Variants in GPHN observed in about 807,000 individuals in gnomAD.
GPHN encodes gephyrin.
In GPHN, 17 loss-of-function variants were observed where a neutral mutation model predicts 95.5. That is an observed-to-expected ratio of 0.18 (90% CI 0.12 to 0.27). GPHN has a LOEUF of 0.27. GPHN is among the 10% of genes least tolerant of loss of function. GPHN has a pLI of 1.00. For synonymous variants in GPHN, 320 were observed against 322.5 expected, an observed-to-expected ratio of 0.99 and a Z score of 0.08; for missense variants, 660 against 978.1, an observed-to-expected ratio of 0.67 and a Z score of 4.34.
chr14:66,545,965 C>A (rs563706294), intron 1 of GPHN, among the ~76,000 whole-genome samples: 176 of 151,494 alleles, frequency 1.2e-3, no homozygotes, highest in African/African-American at 3.9e-3. Flanking sequence ...ACGCTCCTCA[C>A]TTCTCAGACG....
chr14:66,581,898 ATG>A (rs1200247295), intron 1 of GPHN, among the ~76,000 whole-genome samples: 1 of 152,052 alleles, frequency 6.6e-6, no homozygotes, highest in African/African-American at 2.4e-5. Flanking sequence ...TATAAAGTAA[ATG>A]TTAATAAATC....
intron 18 of GPHN, among the ~76,000 whole-genome samples, chr14:67,153,405 G>A (rs1440660803): frequency 6.6e-6 from 1 of 152,224 alleles, no homozygotes; most frequent in South Asian, 2.1e-4. Context: ...CTTCCAGGCT[G>A]CAGATAGCTG....
the GPHN span, among the ~76,000 whole-genome samples, chr14:67,517,150 G>A: frequency 2.0e-5 from 3 of 152,192 alleles, no homozygotes; most frequent in Non-Finnish European, 4.4e-5. Flanking sequence ...TCAGGGACAC[G>A]CTGGCAAGAA....
At chr14:66,837,614 A>AAAATAAAT (rs202145300) in intron 4 of GPHN, among the ~76,000 whole-genome samples, 44 of 144,504 alleles carry the variant, frequency 3.0e-4, no homozygotes, top group Non-Finnish European at 3.6e-4. Context: ...TAAATAAATA[A>AAAATAAAT]AAATAAATAA....
In GPHN at chr14:66,883,514, C is replaced by T. The variant is rs150497822; in HGVS notation, c.389+3481C>T. Among the ~76,000 whole-genome samples, 87 of 152,044 alleles carry T rather than the reference C, an allele frequency of 5.7e-4. 1 individual carries two copies. In the East Asian group the frequency reaches 0.015, roughly 27 times the overall value. On this transcript the variant is annotated intron_variant, in intron 5 of 22. Transcript: ENST00000478722. ...ATCTGGCTTACCTTGGGGTTGACATCGGTTGATTTCTTTTCCCATGAGAAC... is the reference window on the plus strand; with the variant it reads ...ATCTGGCTTACCTTGGGGTTGACATTGGTTGATTTCTTTTCCCATGAGAAC...
chr14:66,537,929 G>A (rs1305193487), intron 1 of GPHN, among the ~76,000 whole-genome samples: 2 of 152,142 alleles, frequency 1.3e-5, no homozygotes, highest in African/African-American at 4.8e-5. Flanking sequence ...CTAGGCTCGA[G>A]CGATCCTCCT....
At chr14:67,143,778 ATCCT>A (rs1313779331) in intron 18 of GPHN, among the ~76,000 whole-genome samples, 1 of 151,948 alleles carries the variant, frequency 6.6e-6, no homozygotes, top group African/African-American at 2.4e-5. Flanking sequence ...AAACTCTAAG[ATCCT>A]TCCTTCTACT....
chr14:67,232,454 TC>T, the GPHN span, among the ~76,000 whole-genome samples: 7 of 152,172 alleles, frequency 4.6e-5, no homozygotes, highest in Admixed American at 4.6e-4. Context: ...AGAGCTGACA[TC>T]CTGCTTTTAA....
chr14:67,292,110 A>G, the GPHN span, among the ~76,000 whole-genome samples: 1 of 152,228 alleles, frequency 6.6e-6, no homozygotes, highest in East Asian at 1.9e-4. Context: ...TAATGGAATC[A>G]TTAAATATTT....
intron 8 of GPHN, among the ~76,000 whole-genome samples, chr14:66,961,898 GT>G (rs2068926337): frequency 3.7e-5 from 2 of 53,364 alleles, no homozygotes; most frequent in Non-Finnish European, 9.6e-5. Context: ...ATCCCTGAAT[GT>G]GTATATATAT....
chr14:66,882,477 G>T (rs1405148056), intron 5 of GPHN, among the ~76,000 whole-genome samples: 1 of 151,706 alleles, frequency 6.6e-6, no homozygotes, highest in Non-Finnish European at 1.5e-5. Context: ...ATATCCTCCA[G>T]ATTTTTTATA....
At chr14:67,701,830 T>C in the GPHN span, 12 of 152,164 alleles carry the variant, frequency 7.9e-5, no homozygotes, top group African/African-American at 2.9e-4. Context: ...TAATTTACCA[T>C]GTAATAAATT....
intron 9 of GPHN, among the ~76,000 whole-genome samples, chr14:66,986,290 G>A (rs1238448134): frequency 6.6e-6 from 1 of 151,982 alleles, no homozygotes; most frequent in African/African-American, 2.4e-5. Context: ...ACATATAGCT[G>A]ATAGTAGTTA....
intron 2 of GPHN, among the ~76,000 whole-genome samples, chr14:66,731,166 A>G (rs146065493): frequency 6.6e-6 from 1 of 152,302 alleles, no homozygotes; most frequent in African/African-American, 2.4e-5. Flanking sequence ...TTTATAAATT[A>G]CCCAGTCTTG....
At chr14:67,076,209 C>T (rs759792183) in intron 11 of GPHN, among the ~76,000 whole-genome samples, 22 of 152,094 alleles carry the variant, frequency 1.4e-4, no homozygotes, top group Non-Finnish European at 1.9e-4. Flanking sequence ...CGTTACAACT[C>T]GCTGAAGACT....
At chr14:67,032,331 TAGTACCAC>T (rs2074231486) in intron 10 of GPHN, among the ~76,000 whole-genome samples, 3 of 152,188 alleles carry the variant, frequency 2.0e-5, no homozygotes, top group African/African-American at 2.4e-5. Flanking sequence ...CAGCTTGCTG[TAGTACCAC>T]AGGGCCTACA....
intron 8 of GPHN, among the ~76,000 whole-genome samples, chr14:66,963,355 T>C (rs944971543): frequency 1.3e-5 from 2 of 152,076 alleles, no homozygotes; most frequent in South Asian, 4.1e-4. Context: ...TCTGGAGATA[T>C]ATATCACACA....
At chr14:67,681,547 C>T in the GPHN span, among the ~76,000 whole-genome samples, 1 of 152,116 alleles carries the variant, frequency 6.6e-6, no homozygotes, top group Non-Finnish European at 1.5e-5. Context: ...CTTTGGGAGG[C>T]CGAGGAGGGG....
intron 2 of GPHN, among the ~76,000 whole-genome samples, chr14:66,705,673 A>G (rs2069010928): frequency 6.6e-6 from 1 of 152,240 alleles, no homozygotes; most frequent in Non-Finnish European, 1.5e-5. Flanking sequence ...TCTCAAAATA[A>G]TAAGAGCTAT....
Sources: gnomAD v4.1 joint callset for allele counts (sites outside exome capture counted in the v4.1 genomes callset) on GRCh38, gnomAD v4.1.1 for gene constraint, MANE v1.5 for transcripts, NCBI Gene and HGNC (gene_info 2026-07-23, HGNC 2026-07-21) for gene names.